Variants in ZFHX3 observed in about 807,000 individuals in gnomAD.
ZFHX3 encodes zinc finger homeobox 3.
Under a neutral mutation model 279.1 loss-of-function variants are expected in ZFHX3, and 42 were observed. That is an observed-to-expected ratio of 0.15 (90% CI 0.12 to 0.19). The LOEUF (loss-of-function observed/expected upper bound fraction) is 0.19, where lower values mean the gene tolerates loss of function less well. ZFHX3 is among the 10% of genes least tolerant of loss of function. ZFHX3 has a pLI of 1.00. For synonymous variants in ZFHX3, 2,293 were observed against 1,957.8 expected, an observed-to-expected ratio of 1.17 and a Z score of -4.52; for missense variants, 4,981 against 4,754.0, an observed-to-expected ratio of 1.05 and a Z score of -1.40.
At chr16:73,201,919 T>G (rs1249757360) in intron 5 of ZFHX3, among the ~76,000 whole-genome samples, 2 of 152,184 alleles carry the variant, frequency 1.3e-5, no homozygotes, top group Non-Finnish European at 2.9e-5. Flanking sequence ...TATTGATGAA[T>G]GAAAGCCACT....
intron 2 of ZFHX3, among the ~76,000 whole-genome samples, chr16:72,955,665 C>T (rs1436722323): frequency 6.6e-6 from 1 of 150,790 alleles, no homozygotes; most frequent in Non-Finnish European, 1.5e-5. Flanking sequence ...GTAATCCCAG[C>T]TACTTGGGAG....
chr16:73,089,688 G>C (rs572565135), intron 8 of ZFHX3, among the ~76,000 whole-genome samples: 5 of 152,292 alleles, frequency 3.3e-5, no homozygotes, highest in South Asian at 2.1e-4. Flanking sequence ...ATGTACCAGG[G>C]AAGGCTCTCA....
chr16:73,278,556 A>G (rs560213854), intron 4 of ZFHX3, among the ~76,000 whole-genome samples: 1 of 152,252 alleles, frequency 6.6e-6, no homozygotes, highest in South Asian at 2.1e-4. Flanking sequence ...AAGCTTCCAC[A>G]CTGTGTAAGG....
chr16:72,805,661 C>T (rs754295943), intron 7 of ZFHX3, among the ~76,000 whole-genome samples: 2 of 152,160 alleles, frequency 1.3e-5, no homozygotes, highest in Non-Finnish European at 2.9e-5. Context: ...GCTGTTCCAG[C>T]GAGAGGCCAG....
At chr16:72,969,701 CA>C (rs1962012923) in intron 1 of ZFHX3, among the ~76,000 whole-genome samples, 1 of 152,176 alleles carries the variant, frequency 6.6e-6, no homozygotes, top group Non-Finnish European at 1.5e-5. Context: ...CTTCAAGGGT[CA>C]AAGAAATAAT....
intron 1 of ZFHX3, among the ~76,000 whole-genome samples, chr16:73,880,006 T>C (rs2030090912): frequency 6.6e-6 from 1 of 152,116 alleles, no homozygotes; most frequent in African/African-American, 2.4e-5. Context: ...TGGTGGTGTG[T>C]GAAACAACAT....
chr16:73,275,113 G>C (rs148228794), intron 4 of ZFHX3, among the ~76,000 whole-genome samples: 7 of 152,278 alleles, frequency 4.6e-5, no homozygotes, highest in African/African-American at 1.4e-4. Flanking sequence ...CCGATTCCAG[G>C]TTGCCATTTC....
intron 1 of ZFHX3, among the ~76,000 whole-genome samples, chr16:73,819,526 T>C (rs1960674247): frequency 6.6e-6 from 1 of 152,180 alleles, no homozygotes; most frequent in Non-Finnish European, 1.5e-5. Flanking sequence ...CTTAGGATTC[T>C]AAATGTACAA....
intron 1 of ZFHX3, among the ~76,000 whole-genome samples, chr16:73,879,834 C>A (rs1210974926): frequency 6.6e-6 from 1 of 152,062 alleles, no homozygotes; most frequent in African/African-American, 2.4e-5. Context: ...CCCACACACA[C>A]ACACACAGTT....
intron 1 of ZFHX3, among the ~76,000 whole-genome samples, chr16:73,785,093 A>G (rs1959604196): frequency 6.6e-6 from 1 of 152,208 alleles, no homozygotes; most frequent in Admixed American, 6.5e-5. Flanking sequence ...ATTTGTAAGT[A>G]CATCATGTGT....
At chr16:73,069,131 C>A (rs1279726386) in intron 8 of ZFHX3, among the ~76,000 whole-genome samples, 2 of 152,214 alleles carry the variant, frequency 1.3e-5, no homozygotes. Context: ...GGAGAGGTTG[C>A]TGAAAGCCTT....
At chr16:72,870,734 AAAG>A (rs1440716697) in intron 4 of ZFHX3, among the ~76,000 whole-genome samples, 2 of 151,576 alleles carry the variant, frequency 1.3e-5, no homozygotes, top group Admixed American at 6.6e-5. Flanking sequence ...AAAAAAAAAA[AAAG>A]AAAGAACATG....
chr16:73,666,679 G>T (rs2052845679), intron 2 of ZFHX3, among the ~76,000 whole-genome samples: 1 of 151,830 alleles, frequency 6.6e-6, no homozygotes, highest in Non-Finnish European at 1.5e-5. Context: ...TATGAATTTT[G>T]TCAAATGCAC....
At chr16:73,777,442 G>A (rs967477795) in intron 1 of ZFHX3, among the ~76,000 whole-genome samples, 12 of 129,950 alleles carry the variant, frequency 9.2e-5, no homozygotes, top group Non-Finnish European at 1.9e-4. Flanking sequence ...GGCAGAGGTT[G>A]CAGTGAGCCA....
intron 3 of ZFHX3, among the ~76,000 whole-genome samples, chr16:73,375,132 T>C (rs1377892951): frequency 6.6e-6 from 1 of 152,198 alleles, no homozygotes; most frequent in Non-Finnish European, 1.5e-5. Flanking sequence ...GCATGAATTT[T>C]CCCCCCATTT....
chr16:72,873,225 C>T (rs1321765930), intron 4 of ZFHX3, among the ~76,000 whole-genome samples: 1 of 152,206 alleles, frequency 6.6e-6, no homozygotes, highest in Non-Finnish European at 1.5e-5. Flanking sequence ...CTCACAGCAA[C>T]CAGTATTTAC....
At chr16:73,547,319 A>T (rs2020135729) in intron 2 of ZFHX3, among the ~76,000 whole-genome samples, 1 of 152,226 alleles carries the variant, frequency 6.6e-6, no homozygotes, top group Non-Finnish European at 1.5e-5. Flanking sequence ...AAAGAAAGAA[A>T]AAAACCTGTA....
At chr16:73,434,019 T>C (rs2017954988) in intron 3 of ZFHX3, among the ~76,000 whole-genome samples, 1 of 152,148 alleles carries the variant, frequency 6.6e-6, no homozygotes, top group Non-Finnish European at 1.5e-5. Flanking sequence ...AGAGGAGGCG[T>C]CCTTTGTGGC....
At chr16:73,787,214 G>T (rs1176393020) in intron 1 of ZFHX3, among the ~76,000 whole-genome samples, 2 of 152,048 alleles carry the variant, frequency 1.3e-5, no homozygotes, top group Non-Finnish European at 2.9e-5. Context: ...TCCTATCATT[G>T]GGGTGTTTCC....
Sources: allele counts gnomAD v4.1 joint callset (sites outside exome capture counted in the v4.1 genomes callset), GRCh38; gene constraint gnomAD v4.1.1; transcripts MANE v1.5; gene names NCBI Gene and HGNC (gene_info 2026-07-23, HGNC 2026-07-21).